SGCD: variants seen among roughly 807,000 people sequenced by gnomAD.
SGCD encodes delta-sarcoglycan.
In SGCD, 18 loss-of-function variants were observed where a neutral mutation model predicts 36.6. That is an observed-to-expected ratio of 0.49 (90% CI 0.34 to 0.73). The LOEUF (loss-of-function observed/expected upper bound fraction) is 0.73. SGCD is among the 30% of genes least tolerant of loss of function. The pLI, the probability that SGCD is intolerant of heterozygous loss-of-function variation, is 0.01. For missense variants in SGCD, 387 were observed against 346.7 expected (o/e 1.12, Z -0.92); for synonymous variants, 133 against 130.6 (o/e 1.02, Z -0.12).
chr5:155,739,801 C>T, the SGCD span, among the ~76,000 whole-genome samples: 20 of 145,152 alleles, frequency 1.4e-4, no homozygotes, highest in Non-Finnish European at 2.7e-4. Context: ...GTTAAAGGAG[C>T]AAGTTTTAAA....
At chr5:156,236,881 T>G (rs1175383946) in intron 3 of SGCD, among the ~76,000 whole-genome samples, 1 of 151,336 alleles carries the variant, frequency 6.6e-6, no homozygotes, top group Non-Finnish European at 1.5e-5. Context: ...TTGCCTAGGA[T>G]GGAGCACAGC....
the SGCD span, among the ~76,000 whole-genome samples, chr5:155,762,729 T>C: frequency 0.86 from 130,538 of 152,176 alleles, 56,106 homozygotes; most frequent in East Asian, 0.99. Context: ...CCATTAAACA[T>C]GGTTGCCCCT....
chr5:156,548,806 C>T (rs1758680157), intron 4 of SGCD, among the ~76,000 whole-genome samples: 1 of 152,034 alleles, frequency 6.6e-6, no homozygotes, highest in Non-Finnish European at 1.5e-5. Context: ...AATAGGAGTC[C>T]ACAAAAGGAA....
At chr5:156,109,018 G>A (rs1761717663) in intron 1 of SGCD, among the ~76,000 whole-genome samples, 1 of 152,058 alleles carries the variant, frequency 6.6e-6, no homozygotes, top group African/African-American at 2.4e-5. Context: ...AGAAAGATAA[G>A]CCCTATTTTA....
chr5:155,867,593 T>A (rs1011285132), upstream of SGCD, among the ~76,000 whole-genome samples: 1 of 152,080 alleles, frequency 6.6e-6, no homozygotes, highest in Non-Finnish European at 1.5e-5. Flanking sequence ...TCATGGAAGA[T>A]CCCTGCTGTT....
intron 7 of SGCD, among the ~76,000 whole-genome samples, chr5:156,703,639 A>G (rs1344690300): frequency 6.6e-6 from 1 of 152,184 alleles, no homozygotes; most frequent in East Asian, 1.9e-4. Flanking sequence ...TTACTTGAAC[A>G]TTTATTATGT....
chr5:156,297,801 AATAAAT>A (rs1462106871), intron 3 of SGCD, among the ~76,000 whole-genome samples: 20 of 142,352 alleles, frequency 1.4e-4, no homozygotes, highest in African/African-American at 5.0e-4. Flanking sequence ...AAAATAAATA[AATAAAT>A]AAATAAATAA....
chr5:156,404,179 A>G (rs1772296269), intron 3 of SGCD, among the ~76,000 whole-genome samples: 1 of 152,138 alleles, frequency 6.6e-6, no homozygotes, highest in South Asian at 2.1e-4. Context: ...TTGAGCACGA[A>G]TATTCTTAAG....
chr5:156,062,553 T>A (rs1428535769), intron 1 of SGCD, among the ~76,000 whole-genome samples: 1 of 105,346 alleles, frequency 9.5e-6, no homozygotes, highest in Non-Finnish European at 1.9e-5. Context: ...CCACCAACAG[T>A]GTAAAAGTGT....
chr5:156,141,266 C>G (rs548517887), intron 3 of SGCD, among the ~76,000 whole-genome samples: 2 of 151,808 alleles, frequency 1.3e-5, no homozygotes, highest in East Asian at 3.9e-4. Flanking sequence ...CGGTGCCTAA[C>G]AAACACGAGA....
intron 3 of SGCD, among the ~76,000 whole-genome samples, chr5:156,131,508 T>C (rs1019466724): frequency 6.6e-5 from 10 of 152,250 alleles, no homozygotes; most frequent in African/African-American, 2.2e-4. Context: ...ATATGAACAA[T>C]GACATTCCTA....
intron 6 of SGCD, among the ~76,000 whole-genome samples, chr5:156,619,171 ACCTGCCACGACGCC>A (rs1351739029): frequency 6.6e-6 from 1 of 151,926 alleles, no homozygotes; most frequent in Non-Finnish European, 1.5e-5. Context: ...GACTACAGGC[ACCTGCCACGACGCC>A]CGGCTAATTT....
chr5:155,746,917 G>C, the SGCD span, among the ~76,000 whole-genome samples: 1 of 152,042 alleles, frequency 6.6e-6, no homozygotes, highest in Admixed American at 6.6e-5. Context: ...GCAATTACTG[G>C]GTGTCTTAAG....
At chr5:156,456,637 A>T (rs1445703174) in intron 3 of SGCD, among the ~76,000 whole-genome samples, 4 of 152,208 alleles carry the variant, frequency 2.6e-5, no homozygotes, top group Non-Finnish European at 5.9e-5. Flanking sequence ...AAGCAAAAAA[A>T]ATCTCTGGGA....
At chr5:156,202,772 TC>T (rs761530487) in intron 3 of SGCD, among the ~76,000 whole-genome samples, 2,383 of 124,884 alleles carry the variant, frequency 0.019, 25 homozygotes, top group Non-Finnish European at 0.03. Flanking sequence ...TTTTTTTTTT[TC>T]AATTAAAAAG....
chr5:156,493,916 C>A (rs753808139), intron 3 of SGCD, among the ~76,000 whole-genome samples: 1 of 152,150 alleles, frequency 6.6e-6, no homozygotes, highest in African/African-American at 2.4e-5. Context: ...CTGCCTCTCA[C>A]GGCCTTCATC....
At chr5:156,404,975 A>G (rs1772333637) in intron 3 of SGCD, among the ~76,000 whole-genome samples, 1 of 152,206 alleles carries the variant, frequency 6.6e-6, no homozygotes, top group African/African-American at 2.4e-5. Flanking sequence ...GATGCAATTA[A>G]GGCTACTAAT....
rs1221881055 is a variant in SGCD at position 156,576,939 on chromosome 5, A to AT, written c.295-12288dup. 6.6e-5 allele frequency among the ~76,000 whole-genome samples: 10 copies of AT among 152,000 alleles called. 1 individual carries two copies. In the East Asian group the frequency reaches 1.9e-3, roughly 29 times the overall value. On this transcript the variant is annotated intron_variant, in intron 4 of 8. Transcript: ENST00000337851. Reference sequence around the variant, plus strand: ...AGTTTAATTTTTTTCCCATTTGTCTATTTTGGCTTTTGTTGCCATTGCTTT... The same window carrying AT: ...AGTTTAATTTTTTTCCCATTTGTCTATTTTTGGCTTTTGTTGCCATTGCTTT...
intron 2 of SGCD, among the ~76,000 whole-genome samples, chr5:156,121,300 G>T (rs1481907358): frequency 2.0e-5 from 3 of 152,154 alleles, no homozygotes; most frequent in Non-Finnish European, 4.4e-5. Flanking sequence ...AGTAATGAAT[G>T]ATTTACCTAT....
Sources: gnomAD v4.1 joint callset for allele counts (sites outside exome capture counted in the v4.1 genomes callset) on GRCh38, gnomAD v4.1.1 for gene constraint, MANE v1.5 for transcripts, NCBI Gene and HGNC (gene_info 2026-07-23, HGNC 2026-07-21) for gene names.